OOEP: variants seen among roughly 807,000 people sequenced by gnomAD.
OOEP encodes oocyte-expressed protein homolog.
In OOEP, 16 loss-of-function variants were observed where a neutral mutation model predicts 13.7. The observed-to-expected ratio is 1.16, with a 90% CI of 0.79 to 1.77. The LOEUF is 1.77. Ranked by LOEUF, OOEP falls within the 40% of genes most tolerant of loss-of-function variation. The pLI is 0.00. For synonymous variants in OOEP, 89 were observed against 77.1 expected (o/e 1.15, Z -0.81); for missense variants, 195 against 193.1 (o/e 1.01, Z -0.06).
chr6:73,370,027 T>C (rs1769025707), upstream of OOEP: 5 of 552,974 alleles, frequency 9.0e-6, no homozygotes, highest in Non-Finnish European at 1.6e-5. Context: ...CTTGAACTAG[T>C]ATTCATTTGG....
intron 2 of OOEP, among the ~76,000 whole-genome samples, chr6:73,377,972 C>G (rs1769156607): frequency 6.6e-6 from 1 of 152,214 alleles, no homozygotes; most frequent in Non-Finnish European, 1.5e-5. Flanking sequence ...CACCACCGCA[C>G]CTACAACCTA....
At chr6:73,376,345 T>C (rs1397793201) in intron 2 of OOEP, among the ~76,000 whole-genome samples, 1 of 13,086 alleles carries the variant, frequency 7.6e-5, no homozygotes, top group Non-Finnish European at 1.9e-4. Context: ...CAAGGGGTTG[T>C]TTTTTTTTTT....
chr6:73,394,955 G>C (rs1404287610), exon 1 of OOEP: 1 of 1,614,156 alleles, frequency 6.2e-7, no homozygotes, highest in Non-Finnish European at 8.5e-7. Flanking sequence ...GTCGTTGCTA[G>C]TCGGCGAAGC....
Position 73,369,590 on chromosome 6 carries a change from T to A in OOEP, c.190+13A>T. 1 of 1,611,892 alleles carries A rather than the reference T, an allele frequency of 6.2e-7. No individual in the cohort carries two copies. Among genetic ancestry groups the A allele is most frequent in the Non-Finnish European group, 8.5e-7 (1 of 1,178,278 alleles). On this transcript the variant is annotated intron_variant, in intron 1 of 2. Transcript: ENST00000370359. The stretch of plus-strand genomic sequence containing the variant: ...GAGGTGGACAGCCCACTAGCACACC[T>A]GGGGTCGCTCACCAAAGAGCTCGTC...
intron 2 of OOEP, among the ~76,000 whole-genome samples, chr6:73,387,155 G>C (rs1454613644): frequency 6.6e-6 from 1 of 151,568 alleles, no homozygotes; most frequent in Non-Finnish European, 1.5e-5. Flanking sequence ...ATGCAAAAGT[G>C]GTTTTAAAAA....
At chr6:73,384,156 A>G (rs1769238917) in intron 2 of OOEP, among the ~76,000 whole-genome samples, 2 of 152,142 alleles carry the variant, frequency 1.3e-5, no homozygotes, top group Admixed American at 6.6e-5. Flanking sequence ...TATAAAAAGG[A>G]TTATAAGGTA....
upstream of OOEP, among the ~76,000 whole-genome samples, chr6:73,371,520 G>A (rs865790103): frequency 7.3e-5 from 11 of 150,626 alleles, no homozygotes; most frequent in Non-Finnish European, 1.0e-4. Context: ...AGGCTGAGGC[G>A]GGCAGATCAC....
In OOEP at chr6:73,389,550, G is replaced by T. The variant is rs564298381; in HGVS notation, c.25+4796C>A. On this transcript the variant is annotated intron_variant, in intron 2 of 3. Transcript: ENST00000370363. ...CCGCTTTTTATCGCAAAAGGCTTAG[G>T]CTTAGGCTGTCACAGGTCTAAAAAA... is the stretch of plus-strand genomic sequence containing the variant. Among the ~76,000 whole-genome samples the T allele has an allele frequency of 2.6e-5, 4 of 152,136 alleles. No homozygotes were observed. In the South Asian group the frequency reaches 8.3e-4, roughly 32 times the overall value.
exon 1 of OOEP, chr6:73,395,055 C>T (rs562566654): frequency 1.2e-6 from 2 of 1,614,214 alleles, no homozygotes; most frequent in Non-Finnish European, 1.7e-6. Context: ...GAGGTGGTCG[C>T]TGGAGAGGCA....
chr6:73,389,722 C>T (rs889916203), intron 2 of OOEP, among the ~76,000 whole-genome samples: 2 of 151,870 alleles, frequency 1.3e-5, no homozygotes, highest in East Asian at 1.9e-4. Context: ...GAAGGGATAG[C>T]ATTAGGAGAT....
chr6:73,373,161 T>G, upstream of OOEP: 1 of 1,611,494 alleles, frequency 6.2e-7, no homozygotes, highest in Non-Finnish European at 8.5e-7. Context: ...TTGTACCTGA[T>G]TTTATTTCCA....
intron 2 of OOEP, among the ~76,000 whole-genome samples, chr6:73,379,698 G>A (rs532477642): frequency 4.2e-5 from 6 of 143,918 alleles, no homozygotes; most frequent in African/African-American, 7.7e-5. Flanking sequence ...TCTGTTTAAT[G>A]TCTGGCCTAA....
intron 2 of OOEP, 148 bp downstream of exon 2, chr6:73,369,058 C>G: frequency 1.1e-6 from 1 of 873,354 alleles, no homozygotes; most frequent in Non-Finnish European, 1.8e-6. Flanking sequence ...CCCCAGGATC[C>G]CCTCCCAACA....
chr6:73,394,924 G>C (rs774122630), exon 1 of OOEP: 48 of 1,614,114 alleles, frequency 3.0e-5, no homozygotes, highest in Non-Finnish European at 3.9e-5. Context: ...CCACGGAGGA[G>C]CTCCCAAGGC....
rs1424466357 is a variant in OOEP at position 73,369,341 on chromosome 6, C to T, written c.235G>A (p.Ala79Thr). 1.9e-6 allele frequency: 3 copies of T among 1,613,686 alleles called. No individual in the cohort carries two copies. The highest frequency in any genetic ancestry group is 8.5e-7 in the Non-Finnish European group (1 of 1,179,794). ...IIPEMEWTSQ[A>T]LLTVDIVDSG... is the part of the protein sequence containing the mutation. ...TCCACTATGTCCACTGTCAGCAGGG[C>T]CTGGCTCGTCCACTCCATTTCTGGA... Residue 79 changes from alanine (A) to threonine (T), a missense_variant, in exon 2 of 3, where the codon GCC (alanine) becomes ACC (threonine). Physicochemically the swap from Ala to Thr is moderately conservative, Grantham distance 58. Coordinates refer to ENST00000370359, the MANE Select transcript of OOEP (RefSeq NM_001080507.3).
intron 2 of OOEP, among the ~76,000 whole-genome samples, chr6:73,380,455 C>T (rs1769191085): frequency 1.3e-5 from 2 of 151,952 alleles, no homozygotes; most frequent in African/African-American, 4.8e-5. Flanking sequence ...ACAGAAATGA[C>T]CAAATGTCTA....
chr6:73,385,865 C>T (rs769559199), intron 2 of OOEP, among the ~76,000 whole-genome samples: 4 of 152,014 alleles, frequency 2.6e-5, no homozygotes, highest in Non-Finnish European at 5.9e-5. Context: ...GGATTATGGG[C>T]GTGAGCCACT....
At chr6:73,387,107 T>C (rs997874580) in intron 2 of OOEP, among the ~76,000 whole-genome samples, 11 of 151,628 alleles carry the variant, frequency 7.3e-5, no homozygotes, top group African/African-American at 2.7e-4. Context: ...TTTATATATG[T>C]ATATATATAC....
chr6:73,369,407 C>A (rs749216667), intron 1 of OOEP, 22 bp from the exon 2 acceptor site: 1 of 1,601,376 alleles, frequency 6.2e-7, no homozygotes, highest in Non-Finnish European at 8.5e-7. Context: ...AGGAAAAACT[C>A]TGAGGGGCTG....
Sources: allele counts gnomAD v4.1 joint callset (sites outside exome capture counted in the v4.1 genomes callset), GRCh38; gene constraint gnomAD v4.1.1; transcripts MANE v1.5; gene names NCBI Gene and HGNC (gene_info 2026-07-23, HGNC 2026-07-21).